SMAD2: variants seen among roughly 807,000 people sequenced by gnomAD.
The protein encoded by SMAD2 is SMAD family member 2, also known as MAD homolog 2.
A neutral mutation model predicts 64.4 loss-of-function variants in SMAD2; 8 were observed. That is an observed-to-expected ratio of 0.12 (90% CI 0.07 to 0.22). The LOEUF (loss-of-function observed/expected upper bound fraction) is 0.22. SMAD2 is among the 10% of genes least tolerant of loss of function. The probability of loss-of-function intolerance (pLI) is 1.00; values close to 1 mark genes in which losing one functional copy is unlikely to be tolerated. For synonymous variants in SMAD2, 203 were observed against 195.8 expected (o/e 1.04, Z -0.31); for missense variants, 289 against 561.2 (o/e 0.51, Z 4.90).
Position 47,818,691 on chromosome 18 carries a change from G to T in SMAD2, c.*23136C>A, listed in dbSNP as rs563223599. The T allele has an allele frequency of 3.3e-5, 5 of 152,308 alleles. No individual in the cohort carries two copies. Among genetic ancestry groups the T allele is most frequent in the Non-Finnish European group, 7.4e-5 (5 of 68,026 alleles). The allele number at this position is 152,308 out of a possible 1,614,324, so 9.4% of individuals were successfully genotyped here. On this transcript the variant is annotated 3_prime_UTR_variant, in exon 11 of 11. Transcript: ENST00000262160. ...AATTCAGCCAGTCCTAGCTAAAAAT[G>T]TAAGCATTTAAATATTAACATTAAA...
chr18:47,924,828 A>C (rs998065988), intron 1 of SMAD2, among the ~76,000 whole-genome samples: 1 of 152,230 alleles, frequency 6.6e-6, no homozygotes, highest in Non-Finnish European at 1.5e-5. Context: ...TATTTACAAG[A>C]CCTTAACCAT....
chr18:47,842,242 C>T (rs1276801744), intron 10 of SMAD2, among the ~76,000 whole-genome samples: 3 of 152,110 alleles, frequency 2.0e-5, no homozygotes, highest in Admixed American at 2.0e-4. Context: ...AATGTAGATA[C>T]TATTAATATC....
At chr18:47,892,239 G>A (rs184620671) in intron 2 of SMAD2, among the ~76,000 whole-genome samples, 18 of 143,142 alleles carry the variant, frequency 1.3e-4, no homozygotes, top group South Asian at 4.3e-4. Context: ...TTTGCTCATC[G>A]CCCAAGCTGC....
rs1458298591 is a variant in SMAD2 at position 47,869,423 on chromosome 18, G to C, written c.340C>G (p.Arg114Gly). 1 of 1,609,378 alleles carries C rather than the reference G, an allele frequency of 6.2e-7. No homozygotes were observed. ...CCTTTTCGATGGGATACCTGGAGAC[G>C]ACCATCAAGAGACCTGTTGGGAAGC... Reference protein sequence around the residue: ...FSEQTRSLDGRLQVSHRKGLP... With the variant: ...FSEQTRSLDGGLQVSHRKGLP... The change falls in exon 4 of 11, where the codon CGT (arginine) becomes GGT (glycine). Residue 114 changes from arginine to glycine, a missense_variant. Transcript: ENST00000262160.
intron 1 of SMAD2, among the ~76,000 whole-genome samples, chr18:47,918,826 G>T (rs1443596050): frequency 6.6e-6 from 1 of 152,018 alleles, no homozygotes; most frequent in Non-Finnish European, 1.5e-5. Context: ...AAGAAAGATG[G>T]GAAACAGTAG....
chr18:47,846,731 C>A (rs1914528279), intron 8 of SMAD2, among the ~76,000 whole-genome samples: 1 of 152,116 alleles, frequency 6.6e-6, no homozygotes, highest in Non-Finnish European at 1.5e-5. Flanking sequence ...CAGATAAGAA[C>A]ACAAGCCAGC....
chr18:47,930,237 AG>A (rs1481834149), intron 1 of SMAD2, 123 bp downstream of exon 1: 11 of 151,730 alleles, frequency 7.2e-5, no homozygotes, highest in Admixed American at 2.0e-4. Context: ...GCGCACCCAC[AG>A]CCCCCGAACT....
Position 47,812,344 on chromosome 18 carries a change from T to C in SMAD2, c.*29483A>G, listed in dbSNP as rs191783310. ...CATAATTGTGAGGCCTCCCCAGCCA[T>C]GTAAAACTGTGAGTCAATTAAACCT... On this transcript the variant is annotated 3_prime_UTR_variant, in exon 11 of 11. Coordinates refer to ENST00000262160, the MANE Select transcript of SMAD2 (RefSeq NM_005901.6). The C allele has an allele frequency of 2.0e-5, 3 of 152,310 alleles. No homozygotes were observed. The East Asian group carries it at 5.8e-4, about 29-fold the overall frequency. 9.4% of individuals were successfully genotyped at this position (152,310 alleles called of 1,614,324 possible). A position where few individuals can be genotyped will look rare whatever the true frequency, so the allele number is the denominator to read the frequency against.
intron 1 of SMAD2, among the ~76,000 whole-genome samples, chr18:47,898,662 T>A (rs1240966885): frequency 1.5e-4 from 4 of 27,476 alleles, no homozygotes; most frequent in African/African-American, 2.7e-4. Context: ...GGAAGAATAA[T>A]TTTTTTTTTT....
chr18:47,890,302 CATATTT>C (rs1196641920), intron 2 of SMAD2, among the ~76,000 whole-genome samples: 8 of 152,310 alleles, frequency 5.3e-5, no homozygotes, highest in African/African-American at 1.9e-4. Flanking sequence ...AGTTCTAATT[CATATTT>C]ATAAAGTTTT....
Position 47,815,288 on chromosome 18 carries a change from G to A in SMAD2, c.*26539C>T, listed in dbSNP as rs753404387. ...ACACCTTCCCAAAACCAGATGGGAT[G>A]CATGAGAAATTGATGTGAAATGAAG... On this transcript the variant is annotated 3_prime_UTR_variant, in exon 11 of 11. Transcript: ENST00000262160. 13 of 152,254 alleles carry A rather than the reference G, an allele frequency of 8.5e-5. No homozygotes were observed. Among genetic ancestry groups the A allele is most frequent in the Non-Finnish European group, 1.5e-4 (10 of 68,044 alleles). 9.4% of individuals were successfully genotyped at this position (152,254 alleles called of 1,614,324 possible). A position where few individuals can be genotyped will look rare whatever the true frequency, so the allele number is the denominator to read the frequency against.
At chr18:47,898,785 C>T (rs978290120) in intron 1 of SMAD2, among the ~76,000 whole-genome samples, 1 of 152,178 alleles carries the variant, frequency 6.6e-6, no homozygotes, top group Admixed American at 6.5e-5. Flanking sequence ...CACAAAGAAA[C>T]ACCATCTGAT....
rs1385132204 is a variant in SMAD2, at chr18:47,856,888, C to T, written c.731-5561G>A. Among the ~76,000 whole-genome samples the T allele has an allele frequency of 2.1e-4, 27 of 128,744 alleles. 1 individual carries two copies. The South Asian group carries it at 4.0e-3, about 19-fold the overall frequency. 84.5% of individuals were successfully genotyped at this position (128,744 alleles called of 152,430 possible). On this transcript the variant is annotated intron_variant, in intron 6 of 10. Coordinates refer to ENST00000262160, the MANE Select transcript of SMAD2 (RefSeq NM_005901.6). ...TTTTTTTTTTTTTGAGACGGAGTCT[C>T]GCTCTGTCGCCCAGGCTGGAGTGCA...
chr18:47,928,663 C>T (rs911742945), intron 1 of SMAD2, among the ~76,000 whole-genome samples: 1 of 152,196 alleles, frequency 6.6e-6, no homozygotes, highest in South Asian at 2.1e-4. Flanking sequence ...AGAGACATGA[C>T]CACTTATGAC....
In SMAD2 at chr18:47,813,264, G is replaced by A. The variant is rs1912259753; in HGVS notation, c.*28563C>T. 6.6e-6 allele frequency: 1 copy of A among 151,986 alleles called. No individual in the cohort carries two copies. The highest frequency in any genetic ancestry group is 2.4e-5 in the African/African-American group (1 of 41,384). 9.4% of individuals were successfully genotyped at this position (151,986 alleles called of 1,614,324 possible). A position where few individuals can be genotyped will look rare whatever the true frequency, so the allele number is the denominator to read the frequency against. On this transcript the variant is annotated 3_prime_UTR_variant, in exon 11 of 11. Transcript: ENST00000262160. The stretch of plus-strand genomic sequence containing the variant: ...AACTGGGTCCTTATTTTTAGAAAAG[G>A]ATCTCACTTTGTCATCCAGGCTAGA...
At chr18:47,870,706 T>C (rs1490402752) in intron 2 of SMAD2, 142 bp from the exon 3 acceptor site, 5 of 715,150 alleles carry the variant, frequency 7.0e-6, no homozygotes, top group Non-Finnish European at 1.3e-5. Flanking sequence ...TTCACAGGCA[T>C]GTAGTGCTGG....
At position 47,839,117 on chromosome 18, in the gene SMAD2, AG is replaced by A. The variant is rs1370677017; in HGVS notation, c.*2709del. 1 of 233,406 alleles carries A rather than the reference AG, an allele frequency of 4.3e-6. No homozygotes were observed. The highest frequency in any genetic ancestry group is 8.5e-6 in the Non-Finnish European group (1 of 118,058). 14.5% of individuals were successfully genotyped at this position (233,406 alleles called of 1,614,324 possible). On this transcript the variant is annotated 3_prime_UTR_variant, in exon 11 of 11. Coordinates refer to ENST00000262160, the MANE Select transcript of SMAD2 (RefSeq NM_005901.6). ...CATTCACACAAATGTAATTACAACC[AG>A]GAAGTAAACTGCTCAACAGGTATAA... is the stretch of plus-strand genomic sequence containing the variant.
chr18:47,810,287 C>T lies in SMAD2; in HGVS notation c.*31540G>A, dbSNP rs1467734994. ...TTCCCTGTCCCCAAACCTCCTGAGCCTTCTCCTTGCCCCCTTCCCACCTCT... is the reference window on the plus strand; with the variant it reads ...TTCCCTGTCCCCAAACCTCCTGAGCTTTCTCCTTGCCCCCTTCCCACCTCT... On this transcript the variant is annotated 3_prime_UTR_variant, in exon 11 of 11. Transcript: ENST00000262160. The T allele has an allele frequency of 6.6e-6, 1 of 152,666 alleles. No individual in the cohort carries two copies. The highest frequency in any genetic ancestry group is 2.4e-5 in the African/African-American group (1 of 41,392). The allele number at this position is 152,666 out of a possible 1,614,324, so 9.5% of individuals were successfully genotyped here. A position where few individuals can be genotyped will look rare whatever the true frequency, so the allele number is the denominator to read the frequency against.
chr18:47,892,930 T>C (rs1160246383), intron 2 of SMAD2, among the ~76,000 whole-genome samples: 1 of 152,224 alleles, frequency 6.6e-6, no homozygotes, highest in Non-Finnish European at 1.5e-5. Context: ...TTAGACCCCA[T>C]AGTCCTTACT....
Sources: gnomAD v4.1 joint callset for allele counts (sites outside exome capture counted in the v4.1 genomes callset) on GRCh38, gnomAD v4.1.1 for gene constraint, MANE v1.5 for transcripts, NCBI Gene and HGNC (gene_info 2026-07-23, HGNC 2026-07-21) for gene names.